Variants in CELF2 observed in about 807,000 individuals in gnomAD.
CELF2 encodes CUGBP Elav-like family member 2.
CELF2 carries 8 observed loss-of-function variants against 62.6 expected under a neutral mutation model. The observed-to-expected ratio is 0.13, with a 90% CI of 0.07 to 0.23. The LOEUF is 0.23. Among genes scored for constraint, CELF2 ranks in the 10% least tolerant of loss-of-function variants. The probability of loss-of-function intolerance (pLI) is 1.00; values close to 1 mark genes in which losing one functional copy is unlikely to be tolerated. For synonymous variants in CELF2, 258 were observed against 250.0 expected (o/e 1.03, Z -0.30); for missense variants, 333 against 671.0 (o/e 0.50, Z 5.56).
chr10:10,853,424 G>C (rs1357101413), intron 1 of CELF2, among the ~76,000 whole-genome samples: 1 of 152,118 alleles, frequency 6.6e-6, no homozygotes, highest in Non-Finnish European at 1.5e-5. Flanking sequence ...TTAGTGAAAA[G>C]ATCTGGGGAA....
intron 1 of CELF2, among the ~76,000 whole-genome samples, chr10:10,906,708 T>C (rs1215733927): frequency 2.5e-5 from 3 of 119,416 alleles, no homozygotes. Context: ...TTCTTTTTCT[T>C]TTTCTTTTCT....
the CELF2 span, among the ~76,000 whole-genome samples, chr10:10,620,450 C>CAAAAAAAAAAAAAAAAAAAAA: frequency 1.1e-5 from 1 of 88,256 alleles, no homozygotes; most frequent in Non-Finnish European, 2.1e-5. Flanking sequence ...GGCTCAGTCT[C>CAAAAAAAAAAAAAAAAAAAAA]AAAAAAAAAA....
the CELF2 span, among the ~76,000 whole-genome samples, chr10:10,771,345 G>A: frequency 6.6e-6 from 1 of 152,118 alleles, no homozygotes; most frequent in South Asian, 2.1e-4. Context: ...GGTTACTGGT[G>A]CCATCTTCCC....
Position 11,331,745 on chromosome 10 carries a change from T to C in CELF2, c.*2692T>C, listed in dbSNP as rs1240039992. ...TTGTATAAGTGCCCATGTCCCACTT[T>C]TTTAACCACTCCGCACATCAGTGCT... On this transcript the variant is annotated 3_prime_UTR_variant, in exon 13 of 13. Transcript: ENST00000633077. 5 of 152,662 alleles carry C rather than the reference T, an allele frequency of 3.3e-5. No individual in the cohort carries two copies. Among genetic ancestry groups the C allele is most frequent in the Admixed American group, 3.3e-4 (5 of 15,282 alleles). 9.5% of individuals were successfully genotyped at this position (152,662 alleles called of 1,614,324 possible).
At chr10:11,094,266 C>A (rs1223798137) in intron 1 of CELF2, among the ~76,000 whole-genome samples, 8 of 152,200 alleles carry the variant, frequency 5.3e-5, no homozygotes, top group Admixed American at 5.2e-4. Flanking sequence ...ATTTTAGAGC[C>A]ATAAGAATCT....
the CELF2 span, among the ~76,000 whole-genome samples, chr10:10,638,352 T>C: frequency 6.9e-6 from 1 of 145,084 alleles, no homozygotes; most frequent in African/African-American, 2.5e-5. Flanking sequence ...AACCCACTCA[T>C]TCACTTATCC....
chr10:10,992,433 G>A (rs773244256), intron 2 of CELF2, among the ~76,000 whole-genome samples: 136 of 152,276 alleles, frequency 8.9e-4, no homozygotes, highest in Non-Finnish European at 9.1e-4. Flanking sequence ...AAAGCAAGTG[G>A]CATTATCAAG....
At chr10:10,473,442 A>C in the CELF2 span, among the ~76,000 whole-genome samples, 1 of 152,058 alleles carries the variant, frequency 6.6e-6, no homozygotes, top group Admixed American at 6.6e-5. Context: ...TTGTTGTTTT[A>C]AGCCACCCAA....
intron 1 of CELF2, among the ~76,000 whole-genome samples, chr10:11,111,248 G>A (rs1475011405): frequency 6.6e-6 from 1 of 152,138 alleles, no homozygotes; most frequent in Non-Finnish European, 1.5e-5. Context: ...AAACTTCTGT[G>A]ATTAAAATAG....
intron 2 of CELF2, among the ~76,000 whole-genome samples, chr10:10,940,974 C>T (rs943192343): frequency 1.3e-5 from 2 of 152,026 alleles, no homozygotes; most frequent in African/African-American, 2.4e-5. Context: ...CTAAGTATGC[C>T]AACTGTGTTA....
chr10:11,226,407 GC>G (rs1361061785), intron 3 of CELF2, among the ~76,000 whole-genome samples: 2 of 152,232 alleles, frequency 1.3e-5, no homozygotes, highest in African/African-American at 2.4e-5. Context: ...CAGGTGGAGG[GC>G]CTCAGAAGGA....
chr10:10,471,340 A>C, the CELF2 span, among the ~76,000 whole-genome samples: 1 of 151,610 alleles, frequency 6.6e-6, no homozygotes, highest in Non-Finnish European at 1.5e-5. Flanking sequence ...GAGTGGTATA[A>C]AATCTTTATT....
chr10:11,230,400 G>T (rs1184639847), intron 3 of CELF2, among the ~76,000 whole-genome samples: 1 of 152,148 alleles, frequency 6.6e-6, no homozygotes, highest in Non-Finnish European at 1.5e-5. Context: ...CTCTTTCCCT[G>T]GGAGTCCCTC....
the CELF2 span, among the ~76,000 whole-genome samples, chr10:10,648,725 T>C: frequency 4.2e-3 from 643 of 152,338 alleles, 3 homozygotes; most frequent in African/African-American, 0.015. Flanking sequence ...TTGGTAATTT[T>C]GTTTCTTAAT....
intron 1 of CELF2, among the ~76,000 whole-genome samples, chr10:11,155,575 C>A (rs183151883): frequency 6.6e-5 from 10 of 152,272 alleles, no homozygotes; most frequent in Middle Eastern, 3.4e-3. Context: ...GCTCTAAGAT[C>A]ATTTTTTTCT....
At chr10:10,696,849 G>A in the CELF2 span, among the ~76,000 whole-genome samples, 15 of 152,332 alleles carry the variant, frequency 9.8e-5, no homozygotes, top group African/African-American at 2.9e-4. Flanking sequence ...GCTAGCGCAC[G>A]GTGCGTGCAC....
At chr10:10,939,832 T>A (rs755791242) in intron 2 of CELF2, among the ~76,000 whole-genome samples, 24 of 151,942 alleles carry the variant, frequency 1.6e-4, no homozygotes, top group Non-Finnish European at 2.8e-4. Flanking sequence ...CGGATGCCTG[T>A]AGTTCCAGCT....
the CELF2 span, among the ~76,000 whole-genome samples, chr10:10,513,105 CA>C: frequency 4.4e-3 from 676 of 152,328 alleles, 3 homozygotes; most frequent in Non-Finnish European, 7.6e-3. Flanking sequence ...TGATAATAAT[CA>C]GTGTCATTAA....
chr10:11,198,385 C>A (rs1254221499), intron 2 of CELF2, among the ~76,000 whole-genome samples: 1 of 152,148 alleles, frequency 6.6e-6, no homozygotes, highest in Non-Finnish European at 1.5e-5. Context: ...ATGGTCAGAC[C>A]TCCTAGGAGT....
Sources: gnomAD v4.1 joint callset for allele counts (sites outside exome capture counted in the v4.1 genomes callset) on GRCh38, gnomAD v4.1.1 for gene constraint, MANE v1.5 for transcripts, NCBI Gene and HGNC (gene_info 2026-07-23, HGNC 2026-07-21) for gene names.